Variants in DDX60 observed in about 807,000 individuals in gnomAD.
DDX60 encodes DExD/H-box helicase 60.
Under a neutral mutation model 212.8 loss-of-function variants are expected in DDX60, and 165 were observed. The ratio of observed to expected loss-of-function variants is 0.78; its 90% CI spans 0.68 to 0.88. The LOEUF (loss-of-function observed/expected upper bound fraction) is 0.88, where lower values mean the gene tolerates loss of function less well. Among genes scored for constraint, DDX60 ranks in the 40% least tolerant of loss-of-function variants. The probability of loss-of-function intolerance (pLI) is 0.00; values close to 1 mark genes in which losing one functional copy is unlikely to be tolerated. For missense variants in DDX60, 1,905 were observed against 2,003.9 expected, an observed-to-expected ratio of 0.95 and a Z score of 0.94; for synonymous variants, 703 against 685.3, an observed-to-expected ratio of 1.03 and a Z score of -0.40.
chr4:168,255,646 T>C, intron 26 of DDX60, 65 bp downstream of exon 26: 1 of 1,355,594 alleles, frequency 7.4e-7, no homozygotes, highest in Non-Finnish European at 9.9e-7. Context: ...CAATTTACGT[T>C]TCCTACTAGG....
chr4:168,285,896 AAAGGAAGGAAGG>A (rs368802134), intron 10 of DDX60, among the ~76,000 whole-genome samples: 49 of 114,764 alleles, frequency 4.3e-4, no homozygotes, highest in African/African-American at 1.2e-3. Context: ...AGGAGGGAAG[AAAGGAAGGAAGG>A]AAGGAAGGAA....
rs1179756606 is a variant in DDX60, at chr4:168,262,207, A to G, written c.3145-79T>C. Reference sequence around the variant, plus strand: ...TATTTCTCAATTATATGCCTCATTAACAGCCTTACAAGTTTCTTGAGCACA... The same window carrying G: ...TATTTCTCAATTATATGCCTCATTAGCAGCCTTACAAGTTTCTTGAGCACA... On this transcript the variant is annotated intron_variant, in intron 23 of 37. Transcript: ENST00000393743. The G allele has an allele frequency of 2.1e-6, 3 of 1,461,514 alleles. No individual in the cohort carries two copies. In the East Asian group the frequency reaches 7.2e-5, roughly 35 times the overall value. The allele number at this position is 1,461,514 out of a possible 1,614,324, so 90.5% of individuals were successfully genotyped here. A position where few individuals can be genotyped will look rare whatever the true frequency, so the allele number is the denominator to read the frequency against.
intron 30 of DDX60, among the ~76,000 whole-genome samples, chr4:168,245,618 C>T (rs1471685892): frequency 2.0e-5 from 3 of 152,140 alleles, no homozygotes; most frequent in African/African-American, 7.2e-5. Flanking sequence ...GCCAACTCAT[C>T]AAAAGAATCC....
At chr4:168,276,878 G>T (rs910829738) in intron 14 of DDX60, among the ~76,000 whole-genome samples, 2 of 152,170 alleles carry the variant, frequency 1.3e-5, no homozygotes, top group South Asian at 4.1e-4. Flanking sequence ...TTTTCTAGGT[G>T]AGCAGTTCAC....
intron 25 of DDX60, among the ~76,000 whole-genome samples, chr4:168,257,547 T>C (rs1406528568): frequency 2.6e-5 from 4 of 152,220 alleles, no homozygotes. Flanking sequence ...CATATGTTGC[T>C]TCTCTTTTTA....
chr4:168,280,616 TAAGAC>T, intron 13 of DDX60, 26 bp from the exon 14 acceptor site: 1 of 1,577,612 alleles, frequency 6.3e-7, no homozygotes, highest in Non-Finnish European at 8.6e-7. Context: ...AAACATCTCT[TAAGAC>T]AAGTTGAAAA....
At chr4:168,286,428 A>ACACACCAC (rs1735859108) in intron 10 of DDX60, among the ~76,000 whole-genome samples, 2 of 46,482 alleles carry the variant, frequency 4.3e-5, no homozygotes, top group African/African-American at 1.7e-4. Flanking sequence ...CACACGAGAT[A>ACACACCAC]GATAGATAGA....
intron 33 of DDX60, among the ~76,000 whole-genome samples, chr4:168,235,198 GTCTC>G (rs1733589762): frequency 6.6e-6 from 1 of 151,822 alleles, no homozygotes; most frequent in Non-Finnish European, 1.5e-5. Context: ...TAGAGATGGG[GTCTC>G]TCTCTGTTCC....
At chr4:168,249,165 A>G (rs1734129223) in intron 28 of DDX60, among the ~76,000 whole-genome samples, 1 of 152,208 alleles carries the variant, frequency 6.6e-6, no homozygotes, top group African/African-American at 2.4e-5. Flanking sequence ...GTCTACTAAA[A>G]TTTGTTGAGA....
intron 33 of DDX60, among the ~76,000 whole-genome samples, chr4:168,234,120 C>T (rs1356872729): frequency 1.3e-5 from 2 of 152,092 alleles, no homozygotes; most frequent in Middle Eastern, 3.4e-3. Context: ...GGAAATGTGT[C>T]ACTTTATTTC....
chr4:168,297,149 T>A (rs180849689), intron 6 of DDX60, among the ~76,000 whole-genome samples: 1 of 151,900 alleles, frequency 6.6e-6, no homozygotes, highest in Admixed American at 6.6e-5. Flanking sequence ...GACCTTGTGA[T>A]TCACCTACCT....
chr4:168,246,264 T>C (rs750584762), intron 30 of DDX60, among the ~76,000 whole-genome samples, 154 bp downstream of exon 30: 1 of 152,172 alleles, frequency 6.6e-6, no homozygotes, highest in Non-Finnish European at 1.5e-5. Flanking sequence ...TCTCCCTAGC[T>C]ACCCCCAATT....
intron 7 of DDX60, 28 bp from the exon 8 acceptor site, chr4:168,291,934 A>G: frequency 6.5e-7 from 1 of 1,544,712 alleles, no homozygotes. Context: ...GGTATAAGCC[A>G]GAGAACAGCA....
chr4:168,265,104 C>T (rs1223358865), intron 22 of DDX60, among the ~76,000 whole-genome samples: 1 of 152,012 alleles, frequency 6.6e-6, no homozygotes, highest in African/African-American at 2.4e-5. Flanking sequence ...GAAAATTGGG[C>T]CAAAAGCCAA....
intron 30 of DDX60, among the ~76,000 whole-genome samples, chr4:168,245,642 C>T (rs750842246): frequency 2.6e-5 from 4 of 152,100 alleles, no homozygotes; most frequent in African/African-American, 4.8e-5. Context: ...AAGAATCCCC[C>T]CTTCAGAAAA....
chr4:168,233,345 A>G (rs1298345160), intron 33 of DDX60, among the ~76,000 whole-genome samples: 1 of 152,108 alleles, frequency 6.6e-6, no homozygotes, highest in Non-Finnish European at 1.5e-5. Flanking sequence ...TGATCCAGCA[A>G]TCCCACTACT....
chr4:168,224,524 T>C, intron 34 of DDX60, 139 bp from the exon 35 acceptor site: 1 of 766,598 alleles, frequency 1.3e-6, no homozygotes. Context: ...GTAAGTTATA[T>C]CGCATAAGGT....
At chr4:168,223,060 A>C (rs1733119028) in intron 35 of DDX60, among the ~76,000 whole-genome samples, 1 of 152,076 alleles carries the variant, frequency 6.6e-6, no homozygotes. Flanking sequence ...TTCAAAAGCA[A>C]ATTAATATAA....
intron 5 of DDX60, 152 bp downstream of exon 5, chr4:168,306,227 G>A (rs555511025): frequency 1.3e-5 from 7 of 542,960 alleles, no homozygotes; most frequent in South Asian, 1.3e-4. Context: ...GACTGCATTT[G>A]CATTATCATT....
Sources: gnomAD v4.1 joint callset for allele counts (sites outside exome capture counted in the v4.1 genomes callset) on GRCh38, gnomAD v4.1.1 for gene constraint, MANE v1.5 for transcripts, NCBI Gene and HGNC (gene_info 2026-07-23, HGNC 2026-07-21) for gene names.